Variants in LRRC66 observed in about 807,000 individuals in gnomAD.
LRRC66 encodes leucine-rich repeat-containing protein 66.
A neutral mutation model predicts 24.6 loss-of-function variants in LRRC66; 29 were observed. That is an observed-to-expected ratio of 1.18 (90% CI 0.88 to 1.61). LRRC66 has a LOEUF of 1.61. LRRC66 is among the 40% of genes most tolerant of loss of function. The pLI is 0.00. For synonymous variants in LRRC66, 411 were observed against 397.6 expected (o/e 1.03, Z -0.40); for missense variants, 1,124 against 1,058.0 (o/e 1.06, Z -0.87).
chr4:52,017,531 C>A lies in LRRC66; in HGVS notation c.83G>T (p.Ser28Ile). 1 of 1,612,550 alleles carries A rather than the reference C, an allele frequency of 6.2e-7. No homozygotes were observed. The highest frequency in any genetic ancestry group is 8.5e-7 in the Non-Finnish European group (1 of 1,179,464). Residue 28 changes from serine to isoleucine, a missense_variant, in exon 2 of 5, where the codon AGC becomes ATC. Ser to Ile is a moderately radical substitution (Grantham distance 142). Coordinates refer to ENST00000682860, the MANE Select transcript of LRRC66 (RefSeq NM_001024611.3). The part of the protein sequence containing the change: ...TGIMTNASRK[S>I]NILFNSECQW... ...GCATTCAGAATTGAATAAAATATTG[C>A]TTTTTCTTGATGCATTTGTCATTAT...
rs370326774 is a variant in LRRC66, at chr4:51,995,727, G to A, written c.1295C>T (p.Ala432Val). The change falls in exon 5 of 5, where the codon GCG becomes GTG. Residue 432 changes from alanine (A) to valine (V), a missense_variant. Transcript: ENST00000682860. ...GGTCTCTGGGTGTGGTGTGTGCCCC[G>A]CAGCTTCCATGTCATCGTAGAAGCC... is the stretch of plus-strand genomic sequence containing the variant. ...NEGFYDDMEA[A>V]GHTPHPETHL... 6.2e-7 allele frequency: 1 copy of A among 1,614,054 alleles called. No individual in the cohort carries two copies. The highest frequency in any genetic ancestry group is 1.3e-5 in the African/African-American group (1 of 74,984).
Position 51,994,132 on chromosome 4 carries a change from C to T in LRRC66, c.*247G>A, listed in dbSNP as rs1473197057. The T allele has an allele frequency of 1.6e-5, 7 of 441,424 alleles. No homozygotes were observed. Among genetic ancestry groups the T allele is most frequent in the Non-Finnish European group, 2.8e-5 (7 of 250,760 alleles). The allele number at this position is 441,424 out of a possible 1,614,324, so 27.3% of individuals were successfully genotyped here. A position where few individuals can be genotyped will look rare whatever the true frequency, so the allele number is the denominator to read the frequency against. ...TGGAATGATCTCAAAATATTCCCCTCTTTCTCTTTCACACTGAAGAGCAGG... is the reference window on the plus strand; with the variant it reads ...TGGAATGATCTCAAAATATTCCCCTTTTTCTCTTTCACACTGAAGAGCAGG... On this transcript the variant is annotated 3_prime_UTR_variant, in exon 5 of 5. Coordinates refer to ENST00000682860, the MANE Select transcript of LRRC66 (RefSeq NM_001024611.3).
intron 3 of LRRC66, among the ~76,000 whole-genome samples, chr4:51,998,183 T>G (rs917670624): frequency 6.6e-6 from 1 of 152,238 alleles, no homozygotes; most frequent in Non-Finnish European, 1.5e-5. Flanking sequence ...ATTAACTGTA[T>G]GTGAAAGCTT....
chr4:52,004,388 G>A (rs943385348), intron 2 of LRRC66, among the ~76,000 whole-genome samples: 2 of 152,188 alleles, frequency 1.3e-5, no homozygotes, highest in Non-Finnish European at 2.9e-5. Flanking sequence ...GCATTCTTGT[G>A]TTTTCCAAAG....
intron 3 of LRRC66, among the ~76,000 whole-genome samples, chr4:51,998,730 G>T (rs536452369): frequency 6.6e-6 from 1 of 152,226 alleles, no homozygotes; most frequent in Admixed American, 6.5e-5. Context: ...TGTCGGACAC[G>T]ACAGGAGCAT....
At chr4:52,005,644 CT>C (rs377634579) in intron 2 of LRRC66, among the ~76,000 whole-genome samples, 1,899 of 142,712 alleles carry the variant, frequency 0.013, 4 homozygotes, top group African/African-American at 0.016. Context: ...GCCAAGAAGA[CT>C]TTTTTTTTTT....
At chr4:52,010,930 C>T (rs542497473) in intron 2 of LRRC66, among the ~76,000 whole-genome samples, 3 of 152,016 alleles carry the variant, frequency 2.0e-5, no homozygotes, top group South Asian at 2.1e-4. Flanking sequence ...TGAAAAAAGA[C>T]GTTAGACCAA....
At chr4:52,012,669 T>C (rs1202873561) in intron 2 of LRRC66, among the ~76,000 whole-genome samples, 1 of 152,124 alleles carries the variant, frequency 6.6e-6, no homozygotes, top group Non-Finnish European at 1.5e-5. Context: ...CAGGGGTACA[T>C]TTTATACTTC....
chr4:52,009,725 G>A (rs968368191), intron 2 of LRRC66, among the ~76,000 whole-genome samples: 1 of 152,106 alleles, frequency 6.6e-6, no homozygotes, highest in African/African-American at 2.4e-5. Flanking sequence ...AAAAACTCCT[G>A]TTCAGATAGC....
chr4:52,011,843 A>G (rs1263552435), intron 2 of LRRC66, among the ~76,000 whole-genome samples: 1 of 152,190 alleles, frequency 6.6e-6, no homozygotes, highest in East Asian at 1.9e-4. Context: ...TGACTTGTTT[A>G]AGGTCAACAA....
rs777986838 is a variant in LRRC66, at chr4:51,995,195, A to T, written c.1827T>A (p.Thr609=). Residue 609 remains threonine, a synonymous_variant, in exon 5 of 5, where the codon ACT becomes ACA. Transcript: ENST00000682860. ...TCTGCGAGTCCCAAAGTGACTGTTCAGTGCCCCCTCTTTCCTTACTATCTC... is the reference window on the plus strand; with the variant it reads ...TCTGCGAGTCCCAAAGTGACTGTTCTGTGCCCCCTCTTTCCTTACTATCTC... ...RTGDSKERGG[T]EQSLWDSQME... 6.8e-6 allele frequency: 11 copies of T among 1,614,116 alleles called. No homozygotes were observed. The highest frequency in any genetic ancestry group is 2.2e-5 in the South Asian group (2 of 91,094).
chr4:52,002,260 T>C (rs1736461192), intron 3 of LRRC66, among the ~76,000 whole-genome samples: 1 of 152,242 alleles, frequency 6.6e-6, no homozygotes, highest in South Asian at 2.1e-4. Context: ...ACTTTTTCAC[T>C]GTAGCTACTG....
rs199567892 is a variant in LRRC66, at chr4:51,995,934, T to G, written c.1088A>C (p.Gln363Pro). 38 of 1,614,120 alleles carry G rather than the reference T, an allele frequency of 2.4e-5. No individual in the cohort carries two copies. The Middle Eastern group carries it at 1.5e-3, about 63-fold the overall frequency. The change falls in exon 5 of 5, where the codon CAG becomes CCG. Residue 363 changes from glutamine (Q) to proline (P), a missense_variant. Transcript: ENST00000682860. ...PRSVRSTRDV[Q>P]AAGKKEDAPQ... The stretch of plus-strand genomic sequence containing the variant: ...AGCGTCCTCTTTTTTGCCGGCAGCC[T>G]GCACATCGCGGGTGCTTCTAACACT...
At chr4:51,997,722 T>A (rs1169155185) in intron 4 of LRRC66, 26 bp downstream of exon 4, 1 of 1,594,236 alleles carries the variant, frequency 6.3e-7, no homozygotes, top group Non-Finnish European at 8.6e-7. Context: ...AAATGGAGCC[T>A]TTTCAGAGAG....
chr4:51,998,716 T>C (rs573867502), intron 3 of LRRC66, among the ~76,000 whole-genome samples: 1 of 152,302 alleles, frequency 6.6e-6, no homozygotes, highest in South Asian at 2.1e-4. Context: ...GCAGGATCTG[T>C]AAGTGTCGGA....
chr4:52,016,391 A>G (rs1389196548), intron 2 of LRRC66, among the ~76,000 whole-genome samples: 1 of 152,196 alleles, frequency 6.6e-6, no homozygotes, highest in African/African-American at 2.4e-5. Flanking sequence ...AAGCCTGAAA[A>G]CAAACAAGGA....
Position 51,995,116 on chromosome 4 carries a change from G to C in LRRC66, c.1906C>G (p.Gln636Glu). ...VSSSIDLLSIQQPRLSGARAE... is the reference protein window; with the variant it reads ...VSSSIDLLSIEQPRLSGARAE... ...CTTGCCCCGGACAGCCTTGGCTGCT[G>C]TATGCTCAGCAAATCAATGGATGAA... Residue 636 changes from glutamine (Q) to glutamate (E), a missense_variant, in exon 5 of 5, where the codon CAG (glutamine) becomes GAG (glutamate). Physicochemically the swap from Gln to Glu is conservative, Grantham distance 29. Transcript: ENST00000682860. 1 of 1,614,238 alleles carries C rather than the reference G, an allele frequency of 6.2e-7. No homozygotes were observed. The highest frequency in any genetic ancestry group is 1.1e-5 in the South Asian group (1 of 91,092).
chr4:52,005,955 C>G (rs1736573265), intron 2 of LRRC66, among the ~76,000 whole-genome samples: 1 of 152,212 alleles, frequency 6.6e-6, no homozygotes, highest in African/African-American at 2.4e-5. Context: ...TAATATGGGT[C>G]TGTCAGAAAA....
chr4:52,003,389 A>C lies in LRRC66; in HGVS notation c.500T>G (p.Leu167Arg), dbSNP rs767664037. ...RNKLSDTPKG[L>R]WKLKSLQSLD... ...ACTCTGCAATGACTTCAGTTTCCAC[A>C]GTCCTGTTAAAATGAAAAAGTAAGT... The change falls in exon 3 of 5, where the codon CTG becomes CGG. Residue 167 changes from leucine (L) to arginine (R), a missense_variant. Leu to Arg is a moderately radical substitution (Grantham distance 102). Transcript: ENST00000682860. 2 of 1,607,996 alleles carry C rather than the reference A, an allele frequency of 1.2e-6. No homozygotes were observed. The highest frequency in any genetic ancestry group is 4.5e-5 in the East Asian group (2 of 44,804).
Sources: gnomAD v4.1 joint callset for allele counts (sites outside exome capture counted in the v4.1 genomes callset) on GRCh38, gnomAD v4.1.1 for gene constraint, MANE v1.5 for transcripts, NCBI Gene and HGNC (gene_info 2026-07-23, HGNC 2026-07-21) for gene names.